Variants in KDM4C observed in about 807,000 individuals in gnomAD.
The protein encoded by KDM4C is lysine demethylase 4C, also known as lysine-specific demethylase 4C.
KDM4C carries 81 observed loss-of-function variants against 129.3 expected under a neutral mutation model. That is an observed-to-expected ratio of 0.63 (90% CI 0.52 to 0.75). The LOEUF (loss-of-function observed/expected upper bound fraction) is 0.75, where lower values mean the gene tolerates loss of function less well. Among genes scored for constraint, KDM4C ranks in the 30% least tolerant of loss-of-function variants. The pLI, the probability that KDM4C is intolerant of heterozygous loss-of-function variation, is 0.00. For synonymous variants in KDM4C, 573 were observed against 456.1 expected (o/e 1.26, Z -3.26); for missense variants, 1,457 against 1,304.0 (o/e 1.12, Z -1.81).
intron 8 of KDM4C, chr9:6,942,469 G>A (rs1247376436): frequency 6.7e-6 from 1 of 149,350 alleles, no homozygotes; most frequent in Non-Finnish European, 1.5e-5. Flanking sequence ...GTACTGTGTT[G>A]ACGAGGAAGA....
At chr9:6,852,807 TTACG>T (rs1564162225) in intron 5 of KDM4C, among the ~76,000 whole-genome samples, 1 of 152,204 alleles carries the variant, frequency 6.6e-6, no homozygotes, top group Non-Finnish European at 1.5e-5. Context: ...CCCTCCTTAC[TTACG>T]GGCCCATGCT....
chr9:6,993,255 C>CT (rs1463434748), intron 12 of KDM4C, among the ~76,000 whole-genome samples: 1 of 152,050 alleles, frequency 6.6e-6, no homozygotes. Context: ...CTAACTTATT[C>CT]TTTTTTGGTG....
intron 1 of KDM4C, among the ~76,000 whole-genome samples, chr9:6,747,302 C>A (rs1286127278): frequency 6.6e-6 from 1 of 151,980 alleles, no homozygotes; most frequent in East Asian, 1.9e-4. Flanking sequence ...AATCCCAGCA[C>A]TTTGGGAGGC....
At chr9:7,041,370 T>C (rs1828575816) in intron 15 of KDM4C, among the ~76,000 whole-genome samples, 1 of 152,024 alleles carries the variant, frequency 6.6e-6, no homozygotes. Context: ...TCTCTGGATT[T>C]TGGTATCTGT....
At chr9:7,081,787 G>A (rs1298421178) in intron 17 of KDM4C, among the ~76,000 whole-genome samples, 1 of 152,180 alleles carries the variant, frequency 6.6e-6, no homozygotes, top group African/African-American at 2.4e-5. Flanking sequence ...TAAAGCCTTG[G>A]AGATGAGTTC....
chr9:6,927,090 T>C (rs112914080), intron 8 of KDM4C, among the ~76,000 whole-genome samples: 30 of 22,290 alleles, frequency 1.3e-3, no homozygotes, highest in Non-Finnish European at 2.1e-3. Context: ...AAAAAAATTT[T>C]CTATCTATCT....
intron 8 of KDM4C, among the ~76,000 whole-genome samples, chr9:6,900,399 C>A (rs1456767609): frequency 6.6e-6 from 1 of 152,252 alleles, no homozygotes; most frequent in Non-Finnish European, 1.5e-5. Context: ...ATGGTCTTGT[C>A]CCATGAAAGC....
At chr9:6,963,469 G>A (rs4537355) in intron 8 of KDM4C, among the ~76,000 whole-genome samples, 3 of 151,982 alleles carry the variant, frequency 2.0e-5, no homozygotes, top group Non-Finnish European at 2.9e-5. Flanking sequence ...GTATCGTGCC[G>A]CATATTCATG....
chr9:6,948,902 A>G (rs1306379216), intron 8 of KDM4C, among the ~76,000 whole-genome samples: 1 of 152,158 alleles, frequency 6.6e-6, no homozygotes, highest in East Asian at 1.9e-4. Context: ...AGATGCAGCA[A>G]CAATCTGATT....
intron 4 of KDM4C, 34 bp downstream of exon 4, chr9:6,814,779 T>C: frequency 7.6e-7 from 1 of 1,322,408 alleles, no homozygotes. Context: ...TTTGTAAAGA[T>C]CATTGGATGT....
chr9:6,774,972 T>TA (rs1382962907), intron 1 of KDM4C, among the ~76,000 whole-genome samples: 2 of 152,204 alleles, frequency 1.3e-5, no homozygotes, highest in Non-Finnish European at 2.9e-5. Context: ...AAAATGGACT[T>TA]ACGCTTTGGT....
At chr9:6,744,751 G>A (rs900800358) in intron 1 of KDM4C, among the ~76,000 whole-genome samples, 2 of 151,914 alleles carry the variant, frequency 1.3e-5, no homozygotes, top group Admixed American at 6.6e-5. Flanking sequence ...GGAGGTTTGG[G>A]CACACAGACT....
upstream of KDM4C, among the ~76,000 whole-genome samples, chr9:6,756,375 A>G (rs923398764): frequency 2.0e-5 from 3 of 152,236 alleles, no homozygotes; most frequent in African/African-American, 7.2e-5. Context: ...CTGACGTTAC[A>G]TGCACACATT....
At position 6,793,078 on chromosome 9, in the gene KDM4C, C is replaced by T. The variant is rs1588299647; in HGVS notation, c.90C>T (p.Asn30=). ...RPSMEEFREF[N]KYLAYMESKG... ...CCATGGAGGAGTTCCGGGAGTTCAA[C>T]AAATACCTTGCATACATGGAGTCTA... The change falls in exon 2 of 22, where the codon AAC becomes AAT. Residue 30 remains asparagine, a synonymous_variant. Transcript: ENST00000381309. 1 of 1,614,120 alleles carries T rather than the reference C, an allele frequency of 6.2e-7. No homozygotes were observed. Among genetic ancestry groups the T allele is most frequent in the Non-Finnish European group, 8.5e-7 (1 of 1,180,012 alleles).
chr9:7,131,262 C>T (rs1840602696), intron 19 of KDM4C, among the ~76,000 whole-genome samples: 1 of 152,166 alleles, frequency 6.6e-6, no homozygotes. Flanking sequence ...CATATACTTT[C>T]TAACAGTGTC....
chr9:7,047,911 G>C (rs561071376), intron 16 of KDM4C, among the ~76,000 whole-genome samples: 1 of 152,018 alleles, frequency 6.6e-6, no homozygotes, highest in Admixed American at 6.6e-5. Flanking sequence ...AGGACTCCTG[G>C]TGTAATGTAA....
chr9:6,959,246 G>C (rs1389672414), intron 8 of KDM4C, among the ~76,000 whole-genome samples: 1 of 152,130 alleles, frequency 6.6e-6, no homozygotes, highest in Non-Finnish European at 1.5e-5. Flanking sequence ...CCCCATGCTG[G>C]TCCCACCATG....
intron 15 of KDM4C, among the ~76,000 whole-genome samples, chr9:7,044,403 C>T (rs915245273): frequency 3.3e-5 from 5 of 151,746 alleles, no homozygotes; most frequent in Admixed American, 2.0e-4. Context: ...CATTAAAAAC[C>T]TTCTCTCATG....
At chr9:7,110,141 G>T (rs1293281546) in intron 18 of KDM4C, among the ~76,000 whole-genome samples, 1 of 152,076 alleles carries the variant, frequency 6.6e-6, no homozygotes, top group Non-Finnish European at 1.5e-5. Context: ...AACTATCTTT[G>T]TTTTTTTCGC....
Sources: allele counts gnomAD v4.1 joint callset (sites outside exome capture counted in the v4.1 genomes callset), GRCh38; gene constraint gnomAD v4.1.1; transcripts MANE v1.5; gene names NCBI Gene and HGNC (gene_info 2026-07-23, HGNC 2026-07-21).